Variants in FAAH2 observed in about 807,000 individuals in gnomAD.
FAAH2 encodes the protein fatty acid amide hydrolase 2, also known as fatty-acid amide hydrolase 2.
A neutral mutation model predicts 36.9 loss-of-function variants in FAAH2; 60 were observed. That is an observed-to-expected ratio of 1.63 (90% CI 1.32 to 2.02). The LOEUF (loss-of-function observed/expected upper bound fraction) is 2.02. Ranked by LOEUF, FAAH2 falls within the 30% of genes most tolerant of loss-of-function variation. The pLI is 0.00. For synonymous variants in FAAH2, 214 were observed against 143.8 expected (o/e 1.49, Z -3.49); for missense variants, 689 against 397.5 (o/e 1.73, Z -6.23).
chrX:57,296,292 A>G (rs2052154741), intron 2 of FAAH2, among the ~76,000 whole-genome samples: 1 of 111,480 alleles, frequency 9.0e-6, no homozygotes, highest in Non-Finnish European at 1.9e-5. Context: ...TTTGTGGTTC[A>G]CCAATATCTG....
chrX:57,140,413 C>T, the FAAH2 span, among the ~76,000 whole-genome samples: 2 of 72,794 alleles, frequency 2.7e-5, no homozygotes, highest in East Asian at 4.0e-4. Flanking sequence ...AACCCCATCT[C>T]TACCAAAAAA....
chrX:57,324,822 A>G (rs1429352913), intron 3 of FAAH2, among the ~76,000 whole-genome samples: 25 of 111,654 alleles, frequency 2.2e-4, no homozygotes, highest in Admixed American at 9.5e-5. Flanking sequence ...CCTAATGAAT[A>G]CCCTTTATTT....
intron 4 of FAAH2, among the ~76,000 whole-genome samples, chrX:57,338,312 A>G (rs1468707162): frequency 9.0e-6 from 1 of 111,549 alleles, no homozygotes; most frequent in Non-Finnish European, 1.9e-5. Context: ...ATGAACCAGG[A>G]AAAGGACTTT....
chrX:57,431,787 G>GTTTTTTGTTT (rs1556012973), intron 7 of FAAH2, 131 bp from the exon 8 acceptor site: 1 of 135,847 alleles, frequency 7.4e-6, no homozygotes, highest in Non-Finnish European at 1.2e-5. Flanking sequence ...TTGTTTTTTT[G>GTTTTTTGTTT]TTTTTTTTGG....
At chrX:57,393,320 C>T in intron 7 of FAAH2, 1 of 880,097 alleles carries the variant, frequency 1.1e-6, no homozygotes, top group Non-Finnish European at 1.7e-6. Flanking sequence ...CATAGGGCCA[C>T]CCCTGTGCAT....
At chrX:57,335,168 G>A (rs779006078) in intron 4 of FAAH2, among the ~76,000 whole-genome samples, 1 of 112,274 alleles carries the variant, frequency 8.9e-6, no homozygotes, top group East Asian at 2.8e-4. Flanking sequence ...TTACAGTGAA[G>A]GGATGGGTTG....
the FAAH2 span, among the ~76,000 whole-genome samples, chrX:57,258,244 G>GA: frequency 5.4e-5 from 6 of 110,884 alleles, no homozygotes; most frequent in South Asian, 3.8e-4. Flanking sequence ...ATATCTATAT[G>GA]AAAAAAATGA....
At chrX:57,263,556 AC>A in the FAAH2 span, among the ~76,000 whole-genome samples, 1 of 112,061 alleles carries the variant, frequency 8.9e-6, no homozygotes, top group Non-Finnish European at 1.9e-5. Context: ...TCTTGTAAAA[AC>A]TTTTGCAAGA....
chrX:57,380,695 G>A (rs775826147), intron 6 of FAAH2, among the ~76,000 whole-genome samples: 8 of 111,923 alleles, frequency 7.1e-5, no homozygotes, highest in South Asian at 3.7e-4. Context: ...TTGTCACCAC[G>A]TCTACAATTT....
At chrX:57,241,700 C>T in the FAAH2 span, among the ~76,000 whole-genome samples, 3 of 111,871 alleles carry the variant, frequency 2.7e-5, no homozygotes, top group African/African-American at 9.8e-5. Context: ...CCCAATCCTA[C>T]CTTTCCCCTT....
At chrX:57,223,748 A>G in the FAAH2 span, among the ~76,000 whole-genome samples, 1 of 112,007 alleles carries the variant, frequency 8.9e-6, no homozygotes, top group Non-Finnish European at 1.9e-5. Flanking sequence ...CAACTTCAGA[A>G]GGTATAAATG....
intron 10 of FAAH2, among the ~76,000 whole-genome samples, chrX:57,469,413 G>T (rs1376309693): frequency 9.0e-6 from 1 of 111,182 alleles, no homozygotes; most frequent in Non-Finnish European, 1.9e-5. Flanking sequence ...GATCTACCAA[G>T]CAAATGGAAA....
chrX:57,199,775 A>C, the FAAH2 span, among the ~76,000 whole-genome samples: 1 of 111,816 alleles, frequency 8.9e-6, no homozygotes, highest in Non-Finnish European at 1.9e-5. Flanking sequence ...CACTGGAGGC[A>C]TGTATAATTT....
At chrX:57,220,895 C>T in the FAAH2 span, among the ~76,000 whole-genome samples, 17,665 of 111,597 alleles carry the variant, frequency 0.16, 1,473 homozygotes, top group Non-Finnish European at 0.25. Flanking sequence ...TCTCATCGGC[C>T]TTGCCACTGA....
At chrX:57,308,796 C>G (rs1186248559) in intron 2 of FAAH2, among the ~76,000 whole-genome samples, 2 of 111,273 alleles carry the variant, frequency 1.8e-5, no homozygotes, top group South Asian at 3.7e-4. Flanking sequence ...TTCTTTATAT[C>G]CATTTTCCCA....
At chrX:57,408,428 TA>T (rs763171539) in intron 7 of FAAH2, among the ~76,000 whole-genome samples, 16 of 111,567 alleles carry the variant, frequency 1.4e-4, no homozygotes, top group Non-Finnish European at 2.6e-4. Context: ...TAAATTAGAT[TA>T]TTTCCTGATT....
At chrX:57,415,792 G>T (rs1406934622) in intron 7 of FAAH2, among the ~76,000 whole-genome samples, 1 of 110,819 alleles carries the variant, frequency 9.0e-6, no homozygotes, top group African/African-American at 3.3e-5. Flanking sequence ...TTAATTTTCT[G>T]TGTTTTTGAT....
intron 2 of FAAH2, among the ~76,000 whole-genome samples, chrX:57,302,869 G>A (rs924463459): frequency 9.0e-6 from 1 of 111,277 alleles, no homozygotes; most frequent in African/African-American, 3.3e-5. Flanking sequence ...CAAGGGTAAG[G>A]ATTTTTGGCT....
chrX:57,482,608 C>G (rs1428482260), intron 10 of FAAH2, among the ~76,000 whole-genome samples: 1 of 109,314 alleles, frequency 9.1e-6, no homozygotes, highest in African/African-American at 3.3e-5. Flanking sequence ...AACTGGGTAC[C>G]TCAGTTGAAA....
Sources: allele counts gnomAD v4.1 joint callset (sites outside exome capture counted in the v4.1 genomes callset), GRCh38; gene constraint gnomAD v4.1.1; transcripts MANE v1.5; gene names NCBI Gene and HGNC (gene_info 2026-07-23, HGNC 2026-07-21).